The following CAST variants were observed in gnomAD, a reference collection of about 807,000 sequenced individuals.
CAST encodes the protein calpastatin.
In CAST, 76 loss-of-function variants were observed where a neutral mutation model predicts 119.6. That is an observed-to-expected ratio of 0.64 (90% confidence interval 0.53 to 0.77). The LOEUF (loss-of-function observed/expected upper bound fraction) is 0.77. Ranked by LOEUF, CAST falls within the 30% of genes least tolerant of loss-of-function variation. The pLI, the probability that CAST is intolerant of heterozygous loss-of-function variation, is 0.00. For synonymous variants in CAST, 319 were observed against 331.6 expected, an observed-to-expected ratio of 0.96 and a Z score of 0.41; for missense variants, 953 against 946.5, an observed-to-expected ratio of 1.01 and a Z score of -0.09.
the CAST span, among the ~76,000 whole-genome samples, chr5:96,016,964 C>T: frequency 6.6e-6 from 1 of 150,818 alleles, no homozygotes; most frequent in Non-Finnish European, 1.5e-5. Flanking sequence ...AGCCTCCCAA[C>T]TAGCTGGGAC....
At chr5:96,522,234 C>T (rs1292026568), upstream of CAST, among the ~76,000 whole-genome samples, 1 of 152,174 alleles carries the variant, frequency 6.6e-6, no homozygotes, top group East Asian at 1.9e-4. Context: ...CTTTTATTGT[C>T]AAGCGCCTCT....
the CAST span, among the ~76,000 whole-genome samples, chr5:96,114,106 A>C: frequency 6.6e-6 from 1 of 152,198 alleles, no homozygotes; most frequent in Non-Finnish European, 1.5e-5. Flanking sequence ...TCTCTCAGCA[A>C]AGGTAAAACA....
rs1747093189 is a variant in CAST at position 96,598,561 on chromosome 5, A to G, written c.60+68681A>G. Reference sequence around the variant, plus strand: ...TTGGGTGACATGGGCTGGATCCCACAGGACAAATCAATAAACATTGTCCTA... The same window carrying G: ...TTGGGTGACATGGGCTGGATCCCACGGGACAAATCAATAAACATTGTCCTA... On this transcript the variant is annotated intron_variant, in intron 1 of 11. Coordinates refer to the CAST transcript ENST00000505143. Among the ~76,000 whole-genome samples the G allele has an allele frequency of 3.3e-5, 5 of 152,328 alleles. No homozygotes were observed. The South Asian group carries it at 1.0e-3, about 32-fold the overall frequency.
At chr5:96,224,589 A>T in the CAST span, among the ~76,000 whole-genome samples, 1 of 152,144 alleles carries the variant, frequency 6.6e-6, no homozygotes, top group Non-Finnish European at 1.5e-5. Context: ...AGACATAAGG[A>T]TCCGATTCTC....
chr5:96,396,890 C>T, the CAST span, among the ~76,000 whole-genome samples: 1 of 152,210 alleles, frequency 6.6e-6, no homozygotes, highest in African/African-American at 2.4e-5. Flanking sequence ...AATAAGATAT[C>T]TCTCCAAACA....
the CAST span, among the ~76,000 whole-genome samples, chr5:96,093,246 G>A: frequency 1.3e-5 from 2 of 152,166 alleles, no homozygotes; most frequent in African/African-American, 2.4e-5. Flanking sequence ...CAAGTCTAGG[G>A]CATATATGAA....
intron 1 of CAST, among the ~76,000 whole-genome samples, chr5:96,565,106 A>G (rs986052163): frequency 1.3e-5 from 1 of 75,052 alleles, no homozygotes; most frequent in Non-Finnish European, 2.8e-5. Flanking sequence ...GTGTGTGTGT[A>G]AAGTATCAGA....
the CAST span, among the ~76,000 whole-genome samples, chr5:96,008,939 A>G: frequency 5.4e-4 from 82 of 152,192 alleles, no homozygotes; most frequent in Non-Finnish European, 8.1e-4. Flanking sequence ...TGAGCATAGT[A>G]TCCATTAGGT....
At chr5:96,713,662 G>A (rs867867943) in intron 3 of CAST, among the ~76,000 whole-genome samples, 1 of 152,030 alleles carries the variant, frequency 6.6e-6, no homozygotes, top group African/African-American at 2.4e-5. Flanking sequence ...AGATTAATGT[G>A]AAATGTGTAA....
chr5:96,137,131 A>C, the CAST span, among the ~76,000 whole-genome samples: 12 of 152,296 alleles, frequency 7.9e-5, no homozygotes, highest in East Asian at 2.3e-3. Context: ...CTGCCATTTC[A>C]GTAATACAGA....
the CAST span, among the ~76,000 whole-genome samples, chr5:96,069,534 A>G: frequency 1.3e-5 from 2 of 150,492 alleles, no homozygotes; most frequent in Non-Finnish European, 1.5e-5. Context: ...CCCAGGCTGG[A>G]GTGCAGTGGT....
the CAST span, among the ~76,000 whole-genome samples, chr5:96,268,609 TAAATC>T: frequency 1.3e-5 from 2 of 151,508 alleles, no homozygotes; most frequent in African/African-American, 4.9e-5. Context: ...AAAATAAAAA[TAAATC>T]AAAAATAAAA....
chr5:96,334,376 G>T, the CAST span, among the ~76,000 whole-genome samples: 3 of 152,262 alleles, frequency 2.0e-5, no homozygotes, highest in Non-Finnish European at 1.5e-5. Context: ...CTATTCCTAA[G>T]CCCACCCACC....
chr5:96,485,740 G>A, the CAST span, among the ~76,000 whole-genome samples: 1 of 152,114 alleles, frequency 6.6e-6, no homozygotes, highest in Non-Finnish European at 1.5e-5. Flanking sequence ...TTCTGGGGAG[G>A]AAGGGAGAGA....
the CAST span, among the ~76,000 whole-genome samples, chr5:96,140,168 T>G: frequency 1.3e-5 from 2 of 152,208 alleles, no homozygotes. Flanking sequence ...AGGGTTCTAC[T>G]GGGGAGAGGA....
chr5:96,385,860 T>TA, the CAST span, among the ~76,000 whole-genome samples: 1 of 152,214 alleles, frequency 6.6e-6, no homozygotes, highest in Non-Finnish European at 1.5e-5. Context: ...TTCCGTGCTA[T>TA]AAATATCTTC....
the CAST span, among the ~76,000 whole-genome samples, chr5:96,271,696 C>G: frequency 2.7e-5 from 4 of 149,354 alleles, no homozygotes; most frequent in African/African-American, 9.8e-5. Flanking sequence ...GGACATTGGT[C>G]TGGGCAAAGA....
the CAST span, among the ~76,000 whole-genome samples, chr5:96,194,500 C>T: frequency 9.9e-5 from 15 of 152,250 alleles, no homozygotes; most frequent in South Asian, 2.1e-4. Context: ...AACACAGCTA[C>T]GGCACTGGTT....
chr5:96,106,001 A>G, the CAST span, among the ~76,000 whole-genome samples: 36 of 152,264 alleles, frequency 2.4e-4, no homozygotes, highest in East Asian at 6.7e-3. Context: ...CATTTCTTCT[A>G]GATTTTGTAG....
Sources: gnomAD v4.1 joint callset for allele counts (sites outside exome capture counted in the v4.1 genomes callset) on GRCh38, gnomAD v4.1.1 for gene constraint, MANE v1.5 for transcripts, NCBI Gene and HGNC (gene_info 2026-07-23, HGNC 2026-07-21) for gene names.